LYST: variants seen among roughly 807,000 people sequenced by gnomAD.
The protein encoded by LYST is lysosomal trafficking regulator, also known as lysosomal-trafficking regulator.
In LYST, 192 loss-of-function variants were observed where a neutral mutation model predicts 413.6. The ratio of observed to expected loss-of-function variants is 0.46; its 90% CI spans 0.41 to 0.52. LYST has a LOEUF of 0.52. Among genes scored for constraint, LYST ranks in the 20% least tolerant of loss-of-function variants. LYST has a pLI of 0.00. For synonymous variants in LYST, 1,525 were observed against 1,567.3 expected (o/e 0.97, Z 0.64); for missense variants, 3,815 against 4,499.9 (o/e 0.85, Z 4.35).
In LYST at chr1:235,663,043, G is replaced by A. The variant is rs1339911015; in HGVS notation, c.11303C>T (p.Thr3768Ile). ...TFSCDGHHLY[T>I]ANSDGTVIAW... ...AATCACGGTCCCATCACTGTTTGCT[G>A]TGTACAAATGGTGGCCATCACAAGA... Residue 3768 changes from threonine (T) to isoleucine (I), a missense_variant, in exon 53 of 53, where the codon ACA becomes ATA. Thr to Ile is a moderately conservative substitution (Grantham distance 89). Transcript: ENST00000389793. 2 of 1,613,418 alleles carry A rather than the reference G, an allele frequency of 1.2e-6. No homozygotes were observed. Among genetic ancestry groups the A allele is most frequent in the Admixed American group, 3.3e-5 (2 of 59,966 alleles).
chr1:235,806,839 T>C, intron 5 of LYST, 67 bp from the exon 6 acceptor site: 1 of 968,666 alleles, frequency 1.0e-6, no homozygotes, highest in Non-Finnish European at 1.6e-6. Context: ...TAGGTACATA[T>C]AATATTTAAT....
chr1:235,865,349 C>T (rs1680391344), intron 1 of LYST, among the ~76,000 whole-genome samples: 2 of 152,086 alleles, frequency 1.3e-5, no homozygotes, highest in African/African-American at 4.8e-5. Flanking sequence ...CGTGCTTTTT[C>T]TCTGTAGTAC....
chr1:235,789,550 A>T (rs1558247469), intron 12 of LYST, among the ~76,000 whole-genome samples: 2 of 151,876 alleles, frequency 1.3e-5, no homozygotes. Flanking sequence ...CTATGTTATG[A>T]TATATCAAAA....
At chr1:235,775,565 AAC>A (rs1328787685) in intron 17 of LYST, among the ~76,000 whole-genome samples, 2 of 152,242 alleles carry the variant, frequency 1.3e-5, no homozygotes, top group Non-Finnish European at 2.9e-5. Context: ...ATACATAAGA[AAC>A]ACACACTTAT....
chr1:235,825,400 T>C (rs897260245), intron 3 of LYST, among the ~76,000 whole-genome samples: 5 of 152,082 alleles, frequency 3.3e-5, no homozygotes, highest in African/African-American at 4.8e-5. Context: ...AAAAGTAAAA[T>C]TGTCATTCAC....
At chr1:235,857,784 C>CACACACACACACACATAT (rs145820873) in intron 1 of LYST, among the ~76,000 whole-genome samples, 1 of 122,044 alleles carries the variant, frequency 8.2e-6, no homozygotes, top group Non-Finnish European at 1.7e-5. Context: ...CACACACACA[C>CACACACACACACACATAT]ATATATATAT....
rs892233242 is a variant in LYST, at chr1:235,664,633, A to G, written c.11039-12T>C. 4 of 1,613,934 alleles carry G rather than the reference A, an allele frequency of 2.5e-6. No individual in the cohort carries two copies. In the Admixed American group the frequency reaches 6.7e-5, roughly 27 times the overall value. On this transcript the variant is annotated splice_polypyrimidine_tract_variant and intron_variant, in intron 50 of 52. Transcript: ENST00000389793. This position sits in a 1 kb window ranked among gnomAD's most constrained non-coding sequence, Gnocchi z 4.5. The stretch of plus-strand genomic sequence containing the variant: ...ACTGCCTCCGCCAGCTAAAACACCC[A>G]AATCATCCGGCGGGTTACCAGAATG...
intron 24 of LYST, 49 bp from the exon 25 acceptor site, chr1:235,755,696 T>C (rs752133510): frequency 5.0e-5 from 47 of 946,188 alleles, no homozygotes; most frequent in Non-Finnish European, 8.0e-5. Flanking sequence ...AAATTAAATA[T>C]AATATATACA....
chr1:235,853,578 G>A (rs895687558), intron 1 of LYST, among the ~76,000 whole-genome samples: 11 of 151,930 alleles, frequency 7.2e-5, no homozygotes, highest in Admixed American at 2.0e-4. Context: ...CCAGAAAGGT[G>A]TACATATTAT....
At chr1:235,675,709 ATAG>A (rs1316344687) in intron 50 of LYST, among the ~76,000 whole-genome samples, 5 of 152,170 alleles carry the variant, frequency 3.3e-5, no homozygotes, top group Non-Finnish European at 5.9e-5. Context: ...ATAATAAATG[ATAG>A]TTGTTAAGTA....
At chr1:235,770,050 A>G in intron 20 of LYST, 110 bp downstream of exon 20, 1 of 1,011,642 alleles carries the variant, frequency 9.9e-7, no homozygotes, top group Non-Finnish European at 1.5e-6. Flanking sequence ...AGAAGATGGA[A>G]AAAAAAAAGA....
chr1:235,722,789 C>A (rs1272592817), intron 39 of LYST, among the ~76,000 whole-genome samples: 2 of 152,118 alleles, frequency 1.3e-5, no homozygotes, highest in Admixed American at 1.3e-4. Flanking sequence ...CGGCCCTGAG[C>A]AAGTTTAAAC....
intron 11 of LYST, among the ~76,000 whole-genome samples, chr1:235,792,970 G>A (rs894414272): frequency 1.3e-5 from 2 of 152,118 alleles, no homozygotes; most frequent in Admixed American, 1.3e-4. Context: ...TGCCTTAGAT[G>A]TTCTCTGGAA....
intron 3 of LYST, among the ~76,000 whole-genome samples, chr1:235,816,457 T>TAAATAAAAA (rs1558293896): frequency 3.9e-5 from 4 of 103,422 alleles, no homozygotes; most frequent in African/African-American, 1.5e-4. Context: ...AATAAATAAA[T>TAAATAAAAA]AAAAAATAAA....
intron 50 of LYST, among the ~76,000 whole-genome samples, chr1:235,675,433 T>C (rs1659303713): frequency 6.6e-6 from 1 of 152,192 alleles, no homozygotes; most frequent in African/African-American, 2.4e-5. Flanking sequence ...TAAAAATCTT[T>C]ATCTCCTTTT....
At chr1:235,776,384 A>C (rs1669237123) in intron 17 of LYST, among the ~76,000 whole-genome samples, 1 of 152,206 alleles carries the variant, frequency 6.6e-6, no homozygotes, top group Non-Finnish European at 1.5e-5. Flanking sequence ...AAACTTGATA[A>C]TGTTGCAAAA....
intron 39 of LYST, among the ~76,000 whole-genome samples, chr1:235,723,351 A>G (rs1663562500): frequency 1.3e-5 from 2 of 152,154 alleles, no homozygotes; most frequent in Admixed American, 6.5e-5. Flanking sequence ...TTGTTAGAAT[A>G]CAGATGGTAT....
At chr1:235,738,613 A>C in intron 31 of LYST, 3 of 1,608,646 alleles carry the variant, frequency 1.9e-6, no homozygotes, top group Non-Finnish European at 2.5e-6. Flanking sequence ...AGTAAAGCAA[A>C]TGTTACTGGT....
At chr1:235,848,478 G>T (rs1027412645) in intron 1 of LYST, among the ~76,000 whole-genome samples, 1 of 151,588 alleles carries the variant, frequency 6.6e-6, no homozygotes, top group African/African-American at 2.4e-5. Flanking sequence ...AGAGAAACTA[G>T]AACAAAGCAA....
Sources: gnomAD v4.1 joint callset for allele counts (sites outside exome capture counted in the v4.1 genomes callset) on GRCh38, gnomAD v4.1.1 for gene constraint, Gnocchi (gnomAD v3.1) non-coding constraint, MANE v1.5 for transcripts, NCBI Gene and HGNC (gene_info 2026-07-23, HGNC 2026-07-21) for gene names.